Variants in SYK observed in about 807,000 individuals in gnomAD.
SYK encodes the protein tyrosine-protein kinase SYK.
Under a neutral mutation model 77.8 loss-of-function variants are expected in SYK, and 16 were observed. The ratio of observed to expected loss-of-function variants is 0.21; its 90% CI spans 0.14 to 0.31. The LOEUF (loss-of-function observed/expected upper bound fraction) is 0.31, where lower values mean the gene tolerates loss of function less well. Among genes scored for constraint, SYK ranks in the 10% least tolerant of loss-of-function variants. The pLI is 1.00. For missense variants in SYK, 529 were observed against 814.4 expected (o/e 0.65, Z 4.26); for synonymous variants, 312 against 308.7 (o/e 1.01, Z -0.11).
intron 1 of SYK, among the ~76,000 whole-genome samples, chr9:90,839,458 C>T (rs542580769): frequency 2.6e-5 from 4 of 152,098 alleles, no homozygotes; most frequent in African/African-American, 4.8e-5. Context: ...GTGTCCCTGG[C>T]GTGTGCCTGG....
chr9:90,844,970 C>G (rs895514279), intron 2 of SYK, among the ~76,000 whole-genome samples: 3 of 152,144 alleles, frequency 2.0e-5, no homozygotes, highest in African/African-American at 7.2e-5. Flanking sequence ...GAGTCTTGCT[C>G]TGTCACCCAG....
rs1312160777 is a variant in SYK, at chr9:90,828,239, C to A, written c.-41-15619C>A. Among the ~76,000 whole-genome samples, 100 of 95,318 alleles carry A rather than the reference C, an allele frequency of 1.0e-3. 9 individuals carry two copies. The highest frequency in any genetic ancestry group is 3.3e-4 in the Non-Finnish European group (14 of 42,058). The allele number at this position is 95,318 out of a possible 152,430, so 62.5% of individuals were successfully genotyped here. A position where few individuals can be genotyped will look rare whatever the true frequency, so the allele number is the denominator to read the frequency against. ...GTCTGCTGTGGCCTCACCCCCGCCC[C>A]CCCCCCCGCCCCGCCCAGGCCTTCA... On this transcript the variant is annotated intron_variant, in intron 1 of 13. Transcript: ENST00000375754.
chr9:90,855,122 C>T (rs931005651), intron 3 of SYK, among the ~76,000 whole-genome samples: 16 of 152,020 alleles, frequency 1.1e-4, no homozygotes, highest in African/African-American at 3.6e-4. Context: ...ATCCATTCTC[C>T]GTGGTTTATC....
chr9:90,840,955 T>G (rs562485220), intron 1 of SYK, among the ~76,000 whole-genome samples: 1 of 152,304 alleles, frequency 6.6e-6, no homozygotes, highest in South Asian at 2.1e-4. Flanking sequence ...TGTAGGATAG[T>G]GCATGTTGAG....
chr9:90,814,411 A>C (rs1464813340), intron 1 of SYK, among the ~76,000 whole-genome samples: 1 of 152,232 alleles, frequency 6.6e-6, no homozygotes, highest in Non-Finnish European at 1.5e-5. Flanking sequence ...TAAAATTTAA[A>C]ATTCAGTTCT....
At chr9:90,812,385 C>G (rs1311005807) in intron 1 of SYK, among the ~76,000 whole-genome samples, 1 of 152,188 alleles carries the variant, frequency 6.6e-6, no homozygotes, top group African/African-American at 2.4e-5. Flanking sequence ...TTGAGAGGTT[C>G]AGCAGCTCAC....
chr9:90,880,294 C>T (rs1460954726), intron 11 of SYK, among the ~76,000 whole-genome samples: 2 of 152,200 alleles, frequency 1.3e-5, no homozygotes, highest in African/African-American at 2.4e-5. Flanking sequence ...GAGCCAAGCT[C>T]CCAGGCAGGC....
intron 11 of SYK, 76 bp from the exon 12 acceptor site, chr9:90,887,673 G>A (rs979487368): frequency 6.7e-7 from 1 of 1,487,338 alleles, no homozygotes; most frequent in African/African-American, 1.4e-5. Context: ...AAAGTGCTGG[G>A]ATTACAGGCA....
At chr9:90,846,496 T>C (rs1826600676) in intron 3 of SYK, among the ~76,000 whole-genome samples, 2 of 152,166 alleles carry the variant, frequency 1.3e-5, no homozygotes, top group South Asian at 4.1e-4. Flanking sequence ...GACTTCACTG[T>C]CATACCTTGT....
intron 1 of SYK, among the ~76,000 whole-genome samples, chr9:90,818,755 G>A (rs1303765990): frequency 2.0e-5 from 3 of 152,218 alleles, no homozygotes; most frequent in Admixed American, 6.5e-5. Context: ...AACCTTTTAT[G>A]GATGAGGAAG....
At chr9:90,860,596 C>T (rs1187434060) in intron 3 of SYK, among the ~76,000 whole-genome samples, 1 of 152,114 alleles carries the variant, frequency 6.6e-6, no homozygotes, top group Non-Finnish European at 1.5e-5. Flanking sequence ...GCACAGCCAC[C>T]TGCTGAGGCC....
At chr9:90,835,121 G>T (rs1414581849) in intron 1 of SYK, among the ~76,000 whole-genome samples, 3 of 152,216 alleles carry the variant, frequency 2.0e-5, no homozygotes, top group Non-Finnish European at 4.4e-5. Context: ...CAAATGTCAA[G>T]AGTGCCAAGG....
Position 90,884,637 on chromosome 9 carries a change from A to ATG in SYK, c.1582-3112_1582-3111insTG, listed in dbSNP as rs1828395931. ...CACATATACACATATGTGTACATGTACATATATACACATATACACATATGT... is the reference window on the plus strand; with the variant it reads ...CACATATACACATATGTGTACATGTATGCATATATACACATATACACATATGT... On this transcript the variant is annotated intron_variant, in intron 11 of 13. Coordinates refer to ENST00000375754, the MANE Select transcript of SYK (RefSeq NM_003177.7). 3.3e-5 allele frequency among the ~76,000 whole-genome samples: 2 copies of ATG among 60,530 alleles called. 1 individual carries two copies. 39.7% of individuals were successfully genotyped at this position (60,530 alleles called of 152,430 possible).
At chr9:90,834,155 G>A (rs1030809501) in intron 1 of SYK, among the ~76,000 whole-genome samples, 2 of 149,206 alleles carry the variant, frequency 1.3e-5, no homozygotes, top group African/African-American at 5.2e-5. Context: ...CTTCAGGTGG[G>A]GGTGGGCATG....
intron 3 of SYK, among the ~76,000 whole-genome samples, chr9:90,861,096 C>T (rs1827238504): frequency 6.6e-6 from 1 of 152,132 alleles, no homozygotes. Context: ...GAGAATGGGG[C>T]AGTGTGTGTG....
intron 1 of SYK, among the ~76,000 whole-genome samples, chr9:90,810,591 GCT>G (rs1825035546): frequency 6.6e-6 from 1 of 151,016 alleles, no homozygotes; most frequent in Admixed American, 6.6e-5. Flanking sequence ...GCACCAGGGA[GCT>G]CTCCAGATAT....
rs1825234587 is a variant in SYK at position 90,814,867 on chromosome 9, A to ACACAC, written c.-42+12974_-42+12975insCACAC. Among the ~76,000 whole-genome samples the ACACAC allele has an allele frequency of 2.0e-3, 20 of 10,204 alleles. No homozygotes were observed. The South Asian group carries it at 0.067, about 34-fold the overall frequency. 6.7% of individuals were successfully genotyped at this position (10,204 alleles called of 152,430 possible). On this transcript the variant is annotated intron_variant, in intron 1 of 13. Coordinates refer to ENST00000375754, the MANE Select transcript of SYK (RefSeq NM_003177.7). ...ACACACACACACACACACACACACA[A>ACACAC]AATAATGTTACTTCTCAGTCACCCG... is the stretch of plus-strand genomic sequence containing the variant.
chr9:90,840,647 A>T (rs533156992), intron 1 of SYK, among the ~76,000 whole-genome samples: 75 of 152,000 alleles, frequency 4.9e-4, no homozygotes, highest in Non-Finnish European at 8.5e-4. Flanking sequence ...CTGTGTTTCC[A>T]GAGATGTCTT....
chr9:90,805,591 A>G (rs1227762203), intron 1 of SYK, among the ~76,000 whole-genome samples: 6 of 152,328 alleles, frequency 3.9e-5, no homozygotes, highest in Non-Finnish European at 1.5e-5. Context: ...CTGCCTGACT[A>G]TAAGTAGCAT....
Sources: allele counts gnomAD v4.1 joint callset (sites outside exome capture counted in the v4.1 genomes callset), GRCh38; gene constraint gnomAD v4.1.1; transcripts MANE v1.5; gene names NCBI Gene and HGNC (gene_info 2026-07-23, HGNC 2026-07-21).